GBA2: variants seen among roughly 807,000 people sequenced by gnomAD.
The protein encoded by GBA2 is glucosylceramidase beta 2.
In GBA2, 79 loss-of-function variants were observed where a neutral mutation model predicts 112.9. That is an observed-to-expected ratio of 0.70 (90% CI 0.58 to 0.84). The LOEUF is 0.84. Among genes scored for constraint, GBA2 ranks in the 40% least tolerant of loss-of-function variants. The pLI is 0.00. For missense variants in GBA2, 1,043 were observed against 1,190.0 expected (o/e 0.88, Z 1.82); for synonymous variants, 403 against 434.3 (o/e 0.93, Z 0.90).
Position 35,738,518 on chromosome 9 carries a change from C to T in GBA2, c.2054+8G>A. On this transcript the variant is annotated splice_region_variant and intron_variant, in intron 13 of 16. Transcript: ENST00000378103. ...CCTCAGGCCTCCTGGAAACCCCTAC[C>T]CGCTAACCTGGGGCCTGTGGTCACC... The T allele has an allele frequency of 3.1e-6, 5 of 1,606,986 alleles. No individual in the cohort carries two copies. Among genetic ancestry groups the T allele is most frequent in the Non-Finnish European group, 4.3e-6 (5 of 1,173,456 alleles).
intron 3 of GBA2, 137 bp from the exon 4 acceptor site, chr9:35,742,027 A>G: frequency 1.5e-6 from 1 of 664,240 alleles, no homozygotes; most frequent in South Asian, 1.7e-5. Flanking sequence ...GTCATCCCCC[A>G]GGCTCAGTGA....
At chr9:35,745,152 G>A (rs142317433) in intron 1 of GBA2, among the ~76,000 whole-genome samples, 3 of 151,396 alleles carry the variant, frequency 2.0e-5, no homozygotes, top group African/African-American at 7.3e-5. Context: ...ACAGAGTTTC[G>A]TTCCTTGTTG....
At chr9:35,744,253 C>T (rs1257837284) in intron 3 of GBA2, 44 bp downstream of exon 3, 2 of 1,076,928 alleles carry the variant, frequency 1.9e-6, no homozygotes, top group South Asian at 2.5e-5. Context: ...TCCTTCTTGG[C>T]CTGGGGAGGT....
At position 35,737,523 on chromosome 9, in the gene GBA2, CAGTA is replaced by C; in HGVS notation, c.2506-80_2506-77del. 6.4e-7 allele frequency: 1 copy of C among 1,570,360 alleles called. No individual in the cohort carries two copies. The highest frequency in any genetic ancestry group is 1.4e-5 in the African/African-American group (1 of 73,744). On this transcript the variant is annotated intron_variant, in intron 16 of 16. Transcript: ENST00000378103. This position sits in a 1 kb window ranked among gnomAD's most constrained non-coding sequence, Gnocchi z 4.1. ...GCCACTTCCACTGGATAGATGGAGG[CAGTA>C]GAGTCTTTGCCTTCAAGGAGCTCCC...
chr9:35,744,641 T>C lies in GBA2; in HGVS notation c.425A>G (p.Asn142Ser), dbSNP rs762444252. Reference protein sequence around the residue: ...EKKTPFIDMINSVPLRQIYGC... With the variant: ...EKKTPFIDMISSVPLRQIYGC... ...ATAAATCTGTCTTAGGGGTACAGAA[T>C]TGATCATGTCGATGAAAGGTGTCTT... Residue 142 changes from asparagine (N) to serine (S), a missense_variant, in exon 2 of 17, where the codon AAT becomes AGT. Physicochemically the swap from Asn to Ser is conservative, Grantham distance 46. Coordinates refer to ENST00000378103, the MANE Select transcript of GBA2 (RefSeq NM_020944.3). The C allele has an allele frequency of 7.5e-6, 12 of 1,607,892 alleles. No homozygotes were observed. The highest frequency in any genetic ancestry group is 1.0e-5 in the Non-Finnish European group (12 of 1,174,460).
Position 35,746,408 on chromosome 9 carries a change from G to C in GBA2, c.360-1702C>G, listed in dbSNP as rs1253947814. ...GTTCAAGACCAGCCTGGCCAATGTG[G>C]TGAAACCCCGTCTCTACTAAAAATA... On this transcript the variant is annotated intron_variant, in intron 1 of 16. Coordinates refer to ENST00000378103, the MANE Select transcript of GBA2 (RefSeq NM_020944.3). This position sits in a 1 kb window ranked among gnomAD's most constrained non-coding sequence, Gnocchi z 5.2. Among the ~76,000 whole-genome samples, 3 of 152,154 alleles carry C rather than the reference G, an allele frequency of 2.0e-5. No homozygotes were observed. Among genetic ancestry groups the C allele is most frequent in the African/African-American group, 7.2e-5 (3 of 41,420 alleles).
chr9:35,739,383 T>C lies in GBA2; in HGVS notation c.1619A>G (p.His540Arg), dbSNP rs1211751711. The change falls in exon 10 of 17, where the codon CAC becomes CGC. Residue 540 changes from histidine to arginine, a missense_variant. Coordinates refer to ENST00000378103, the MANE Select transcript of GBA2 (RefSeq NM_020944.3). Reference sequence around the variant, plus strand: ...GATGAGGGCAAAGGAAGCATAAAAGTGGACATCATATGTGTTGTACATGCG... The same window carrying C: ...GATGAGGGCAAAGGAAGCATAAAAGCGGACATCATATGTGTTGTACATGCG... ...EYRMYNTYDV[H>R]FYASFALIML... The C allele has an allele frequency of 1.2e-6, 2 of 1,613,612 alleles. No individual in the cohort carries two copies. The highest frequency in any genetic ancestry group is 1.7e-6 in the Non-Finnish European group (2 of 1,179,544).
rs79325774 is a variant in GBA2, at chr9:35,740,225, C to T, written c.1267G>A (p.Gly423Ser). 3,876 of 1,614,110 alleles carry T rather than the reference C, an allele frequency of 2.4e-3. 79 individuals carry two copies. The African/African-American group carries it at 0.046, about 19-fold the overall frequency. ...TCCCCTCACCTGTAGTGGACTTGGCCTTTAGCTCCAAACATGATCCTGGGC... is the reference window on the plus strand; with the variant it reads ...TCCCCTCACCTGTAGTGGACTTGGCTTTTAGCTCCAAACATGATCCTGGGC... ...DMPRIMFGAK[G>S]QVHYRRYTRF... The change falls in exon 7 of 17, where the codon GGC becomes AGC. Residue 423 changes from glycine to serine, a missense_variant. Physicochemically the swap from Gly to Ser is moderately conservative, Grantham distance 56. Transcript: ENST00000378103. This position sits in a 1 kb window ranked among gnomAD's most constrained non-coding sequence, Gnocchi z 4.7.
At chr9:35,744,020 C>T (rs547180341) in intron 3 of GBA2, among the ~76,000 whole-genome samples, 1 of 152,242 alleles carries the variant, frequency 6.6e-6, no homozygotes, top group South Asian at 2.1e-4. Context: ...TGGTTGGGGG[C>T]TGCCTCAGCT....
Position 35,739,050 on chromosome 9 carries a change from C to T in GBA2, c.1747G>A (p.Ala583Thr). Residue 583 changes from alanine to threonine, a missense_variant, in exon 11 of 17, where the codon GCA (alanine) becomes ACA (threonine). Transcript: ENST00000378103. ...RRRYLMSGVMAPVKRRNVIPH... is the reference protein window; with the variant it reads ...RRRYLMSGVMTPVKRRNVIPH... Reference sequence around the variant, plus strand: ...ATGACGTTCCTCCTTTTCACAGGTGCCATCACCCCACTCATCAGGTACCGT... The same window carrying T: ...ATGACGTTCCTCCTTTTCACAGGTGTCATCACCCCACTCATCAGGTACCGT... The T allele has an allele frequency of 1.2e-6, 2 of 1,613,632 alleles. No individual in the cohort carries two copies. Among genetic ancestry groups the T allele is most frequent in the South Asian group, 1.1e-5 (1 of 90,998 alleles).
Position 35,737,405 on chromosome 9 carries a change from G to A in GBA2, c.2548C>T (p.Arg850Cys), listed in dbSNP as rs752274637. The A allele has an allele frequency of 9.3e-6, 15 of 1,614,088 alleles. No individual in the cohort carries two copies. Among genetic ancestry groups the A allele is most frequent in the Admixed American group, 3.3e-5 (2 of 60,024 alleles). The change falls in exon 17 of 17, where the codon CGT becomes TGT. Residue 850 changes from arginine to cysteine, a missense_variant. Transcript: ENST00000378103. The surrounding 1 kb of genome is among the most constrained non-coding windows in gnomAD (Gnocchi z 4.1). ...EGFQTAEGCY[R>C]TVWERLGLAF... is the part of the protein sequence containing the mutation. ...AGACCCAGGCGCTCCCACACGGTAC[G>A]GTAGCAGCCTTCAGCTGTCTGGAAG...
Position 35,741,420 on chromosome 9 carries a change from G to T in GBA2, c.786+252C>A. On this transcript the variant is annotated intron_variant, in intron 4 of 16. Coordinates refer to ENST00000378103, the MANE Select transcript of GBA2 (RefSeq NM_020944.3). This position sits in a 1 kb window ranked among gnomAD's most constrained non-coding sequence, Gnocchi z 4.6. ...CACCATTATCCTGCCTCAGCCTCCCGAGTAGCTGGGACTACAGGTGCCTGC... is the reference window on the plus strand; with the variant it reads ...CACCATTATCCTGCCTCAGCCTCCCTAGTAGCTGGGACTACAGGTGCCTGC... 1 of 523,684 alleles carries T rather than the reference G, an allele frequency of 1.9e-6. No homozygotes were observed. The highest frequency in any genetic ancestry group is 3.4e-6 in the Non-Finnish European group (1 of 290,494). 32.4% of individuals were successfully genotyped at this position (523,684 alleles called of 1,614,324 possible).
Position 35,740,073 on chromosome 9 carries a change from C to G in GBA2, c.1334G>C (p.Ser445Thr). 6.2e-7 allele frequency: 1 copy of G among 1,614,084 alleles called. No individual in the cohort carries two copies. The highest frequency in any genetic ancestry group is 8.5e-7 in the Non-Finnish European group (1 of 1,179,986). ...GQDGDAAPAL[S>T]HYALCRYAEW... ...TGCGTATCGGCACAGTGCATAGTGGCTGAGGGCAGGTGCTGCATCTCCATC... is the reference window on the plus strand; with the variant it reads ...TGCGTATCGGCACAGTGCATAGTGGGTGAGGGCAGGTGCTGCATCTCCATC... The change falls in exon 8 of 17, where the codon AGC becomes ACC. Residue 445 changes from serine (S) to threonine (T), a missense_variant. Ser to Thr is a moderately conservative substitution (Grantham distance 58). Transcript: ENST00000378103. The surrounding 1 kb of genome is among the most constrained non-coding windows in gnomAD (Gnocchi z 4.7).
rs951666581 is a variant in GBA2, at chr9:35,746,399, G to C, written c.360-1693C>G. Among the ~76,000 whole-genome samples, 8 of 152,120 alleles carry C rather than the reference G, an allele frequency of 5.3e-5. No homozygotes were observed. Among genetic ancestry groups the C allele is most frequent in the African/African-American group, 1.7e-4 (7 of 41,402 alleles). ...AGGTCAGGAGTTCAAGACCAGCCTGGCCAATGTGGTGAAACCCCGTCTCTA... is the reference window on the plus strand; with the variant it reads ...AGGTCAGGAGTTCAAGACCAGCCTGCCCAATGTGGTGAAACCCCGTCTCTA... On this transcript the variant is annotated intron_variant, in intron 1 of 16. Coordinates refer to ENST00000378103, the MANE Select transcript of GBA2 (RefSeq NM_020944.3). The surrounding 1 kb of genome is among the most constrained non-coding windows in gnomAD (Gnocchi z 5.2).
At chr9:35,738,948 G>T in intron 11 of GBA2, 45 bp from the exon 12 acceptor site, 1 of 1,610,656 alleles carries the variant, frequency 6.2e-7, no homozygotes, top group Non-Finnish European at 8.5e-7. Context: ...TGGTGGATAG[G>T]GTAGAGGGTG....
At chr9:35,747,400 A>G (rs1260878868) in intron 1 of GBA2, among the ~76,000 whole-genome samples, 1 of 152,146 alleles carries the variant, frequency 6.6e-6, no homozygotes, top group African/African-American at 2.4e-5. Flanking sequence ...TCTCTGCTAC[A>G]GGCTACCCAC....
intron 3 of GBA2, among the ~76,000 whole-genome samples, chr9:35,743,654 G>A (rs991747962): frequency 1.3e-5 from 2 of 152,164 alleles, no homozygotes; most frequent in Non-Finnish European, 2.9e-5. Flanking sequence ...ACTCTAAAGG[G>A]GCGGTCAACT....
In GBA2 at chr9:35,739,765, T is replaced by C. The variant is rs765958666; in HGVS notation, c.1445A>G (p.Asn482Ser). ...TCCATCAGCCAGGAAGTATAGTTCA[T>C]TGAACAGCGCAGATTTGTACCAGGC... ...LPAWYKSALF[N>S]ELYFLADGGT... Residue 482 changes from asparagine to serine, a missense_variant, in exon 9 of 17, where the codon AAT (asparagine) becomes AGT (serine). Asn to Ser is a conservative substitution (Grantham distance 46, BLOSUM62 1). Coordinates refer to ENST00000378103, the MANE Select transcript of GBA2 (RefSeq NM_020944.3). The C allele has an allele frequency of 5.0e-6, 8 of 1,613,968 alleles. No homozygotes were observed. The highest frequency in any genetic ancestry group is 1.1e-5 in the South Asian group (1 of 91,090).
Position 35,748,361 on chromosome 9 carries a change from A to G in GBA2, c.344T>C (p.Ile115Thr). The G allele has an allele frequency of 6.2e-7, 1 of 1,609,144 alleles. No homozygotes were observed. The highest frequency in any genetic ancestry group is 8.5e-7 in the Non-Finnish European group (1 of 1,175,808). ...GTCTACTCACCTCAAGCCCATGCCT[A>G]TATGCTTTATCATGTTGCTTAGGGA... is the stretch of plus-strand genomic sequence containing the variant. ...NVSLSNMIKH[I>T]GMGLRYLQWW... Residue 115 changes from isoleucine (I) to threonine (T), a missense_variant, in exon 1 of 17, where the codon ATA becomes ACA. By Grantham distance (89) the Ile-to-Thr change is moderately conservative (BLOSUM62 -1). Coordinates refer to ENST00000378103, the MANE Select transcript of GBA2 (RefSeq NM_020944.3).
Sources: allele counts gnomAD v4.1 joint callset (sites outside exome capture counted in the v4.1 genomes callset), GRCh38; gene constraint gnomAD v4.1.1; non-coding constraint Gnocchi (gnomAD v3.1); transcripts MANE v1.5; gene names NCBI Gene and HGNC (gene_info 2026-07-23, HGNC 2026-07-21).